PDE4D: variants seen among roughly 807,000 people sequenced by gnomAD.
The protein encoded by PDE4D is 3',5'-cyclic-AMP phosphodiesterase 4D.
In PDE4D, 24 loss-of-function variants were observed where a neutral mutation model predicts 87.4. The observed-to-expected ratio is 0.27, with a 90% CI of 0.20 to 0.39. PDE4D has a LOEUF of 0.39. PDE4D is among the 10% of genes least tolerant of loss of function. The pLI, the probability that PDE4D is intolerant of heterozygous loss-of-function variation, is 1.00. For synonymous variants in PDE4D, 384 were observed against 383.2 expected (o/e 1.00, Z -0.02); for missense variants, 714 against 1,041.0 (o/e 0.69, Z 4.32).
chr5:59,348,623 C>CTTTTTTT (rs5868176), intron 1 of PDE4D, among the ~76,000 whole-genome samples: 1 of 130,070 alleles, frequency 7.7e-6, no homozygotes. Flanking sequence ...CACTTCAAAG[C>CTTTTTTT]TTTTTTTTTT....
At chr5:59,556,385 G>C (rs535674006) in intron 1 of PDE4D, among the ~76,000 whole-genome samples, 4 of 152,206 alleles carry the variant, frequency 2.6e-5, no homozygotes, top group South Asian at 4.1e-4. Flanking sequence ...GCAACCCTAA[G>C]AGACACACAC....
intron 3 of PDE4D, among the ~76,000 whole-genome samples, chr5:59,965,631 C>A (rs1341924824): frequency 6.6e-6 from 1 of 152,156 alleles, no homozygotes; most frequent in Admixed American, 6.5e-5. Flanking sequence ...ACCACTTCAC[C>A]TCTCCTTGGC....
intron 2 of PDE4D, among the ~76,000 whole-genome samples, chr5:60,023,872 C>T (rs192297993): frequency 4.6e-5 from 7 of 152,236 alleles, no homozygotes; most frequent in South Asian, 2.1e-4. Context: ...TCAAAGTGAA[C>T]GTATGCACGA....
chr5:59,455,803 G>A (rs946739283), intron 1 of PDE4D, among the ~76,000 whole-genome samples: 24 of 152,294 alleles, frequency 1.6e-4, no homozygotes, highest in Admixed American at 9.1e-4. Context: ...CACCCTTTGC[G>A]TTAACATGAC....
intron 5 of PDE4D, among the ~76,000 whole-genome samples, chr5:59,146,644 C>G (rs776097689): frequency 6.6e-6 from 1 of 151,500 alleles, no homozygotes; most frequent in Non-Finnish European, 1.5e-5. Context: ...TCAAATTGTA[C>G]TTGGAAGTTC....
At chr5:59,604,639 TATAA>T (rs1479630348) in intron 1 of PDE4D, among the ~76,000 whole-genome samples, 3 of 151,966 alleles carry the variant, frequency 2.0e-5, no homozygotes, top group Non-Finnish European at 4.4e-5. Flanking sequence ...GAAGGGGAAC[TATAA>T]ATAGTCAAAA....
intron 5 of PDE4D, among the ~76,000 whole-genome samples, chr5:59,102,882 G>A (rs150564290): frequency 5.3e-4 from 81 of 152,236 alleles, no homozygotes; most frequent in African/African-American, 1.9e-3. Flanking sequence ...GGCATGCCTG[G>A]GGAGGGGGAG....
At chr5:59,096,949 T>C (rs1339086354) in intron 5 of PDE4D, among the ~76,000 whole-genome samples, 1 of 152,198 alleles carries the variant, frequency 6.6e-6, no homozygotes, top group Non-Finnish European at 1.5e-5. Context: ...TATTGGTGTA[T>C]AATATTATAA....
At chr5:59,779,368 TA>T (rs1412353147) in intron 1 of PDE4D, among the ~76,000 whole-genome samples, 2 of 152,184 alleles carry the variant, frequency 1.3e-5, no homozygotes, top group Non-Finnish European at 2.9e-5. Context: ...TTTGTTCTTC[TA>T]GATCTGCACT....
At chr5:59,538,875 T>C (rs1335388041) in intron 1 of PDE4D, among the ~76,000 whole-genome samples, 1 of 152,160 alleles carries the variant, frequency 6.6e-6, no homozygotes, top group East Asian at 1.9e-4. Context: ...AATGTGGTAA[T>C]GTCAAGAACT....
chr5:59,922,332 G>A (rs753066577), intron 3 of PDE4D, among the ~76,000 whole-genome samples: 14 of 152,148 alleles, frequency 9.2e-5, no homozygotes, highest in Non-Finnish European at 1.9e-4. Context: ...TAGAATTAGT[G>A]TTTATGGGGG....
chr5:59,029,787 T>C (rs980190529), intron 6 of PDE4D, among the ~76,000 whole-genome samples: 1 of 152,096 alleles, frequency 6.6e-6, no homozygotes, highest in African/African-American at 2.4e-5. Context: ...CATTTCAAAA[T>C]ATATTATAAA....
At chr5:60,293,102 G>C (rs1753048737) in intron 1 of PDE4D, among the ~76,000 whole-genome samples, 1 of 150,304 alleles carries the variant, frequency 6.7e-6, no homozygotes. Flanking sequence ...GCCCCCCCAA[G>C]TTCAAGCAAT....
At chr5:59,232,371 G>A (rs1463963049) in intron 1 of PDE4D, among the ~76,000 whole-genome samples, 1 of 151,860 alleles carries the variant, frequency 6.6e-6, no homozygotes, top group Admixed American at 6.6e-5. Context: ...GTGGACAAAG[G>A]ACATGAAGAC....
intron 1 of PDE4D, among the ~76,000 whole-genome samples, chr5:59,871,750 T>C (rs545821341): frequency 1.3e-5 from 2 of 152,236 alleles, no homozygotes; most frequent in Admixed American, 1.3e-4. Context: ...ACCCTCAAAT[T>C]TACTTCATCT....
At chr5:59,902,250 AATAAT>A (rs1271005235) in intron 3 of PDE4D, among the ~76,000 whole-genome samples, 1 of 152,088 alleles carries the variant, frequency 6.6e-6, no homozygotes, top group Non-Finnish European at 1.5e-5. Context: ...AGGAAGACAA[AATAAT>A]ATATTTTGGT....
At chr5:60,391,793 C>A (rs1214986666) in intron 1 of PDE4D, among the ~76,000 whole-genome samples, 2 of 152,270 alleles carry the variant, frequency 1.3e-5, no homozygotes, top group Admixed American at 1.3e-4. Flanking sequence ...AGAACATAAA[C>A]CTCTTTGGGG....
At chr5:60,505,243 C>T (rs1246153351) in intron 1 of PDE4D, among the ~76,000 whole-genome samples, 1 of 152,186 alleles carries the variant, frequency 6.6e-6, no homozygotes, top group East Asian at 1.9e-4. Context: ...TCTCCATGCT[C>T]GTCAGGGCTC....
At chr5:59,696,670 G>A (rs1179466310) in intron 1 of PDE4D, among the ~76,000 whole-genome samples, 1 of 152,096 alleles carries the variant, frequency 6.6e-6, no homozygotes, top group African/African-American at 2.4e-5. Flanking sequence ...ATACAATAGA[G>A]CAAAAAACTG....
Sources: gnomAD v4.1 joint callset for allele counts (sites outside exome capture counted in the v4.1 genomes callset) on GRCh38, gnomAD v4.1.1 for gene constraint, MANE v1.5 for transcripts, NCBI Gene and HGNC (gene_info 2026-07-23, HGNC 2026-07-21) for gene names.